The following CHAF1A variants were observed in gnomAD, a reference collection of about 807,000 sequenced individuals.
CHAF1A encodes chromatin assembly factor 1 subunit A.
CHAF1A carries 5 observed loss-of-function variants against 93.2 expected under a neutral mutation model. The observed-to-expected ratio is 0.05, with a 90% CI of 0.03 to 0.11. The LOEUF is 0.11. Ranked by LOEUF, CHAF1A falls within the 10% of genes least tolerant of loss-of-function variation. The probability of loss-of-function intolerance (pLI) is 1.00; values close to 1 mark genes in which losing one functional copy is unlikely to be tolerated. For synonymous variants in CHAF1A, 504 were observed against 510.3 expected, an observed-to-expected ratio of 0.99 and a Z score of 0.17; for missense variants, 1,102 against 1,259.9, an observed-to-expected ratio of 0.87 and a Z score of 1.90.
chr19:4,417,425 C>T (rs1037526922), intron 3 of CHAF1A, among the ~76,000 whole-genome samples: 2 of 150,726 alleles, frequency 1.3e-5, no homozygotes, highest in African/African-American at 2.4e-5. Flanking sequence ...GCTACAAATC[C>T]ATCCTCTCCC....
intron 13 of CHAF1A, among the ~76,000 whole-genome samples, chr19:4,441,109 A>C (rs1007951983): frequency 6.6e-6 from 1 of 151,102 alleles, no homozygotes; most frequent in African/African-American, 2.4e-5. Flanking sequence ...CTTCAGGTCA[A>C]GAGTTCGAGA....
At chr19:4,430,787 G>C in intron 11 of CHAF1A, 146 bp downstream of exon 11, 2 of 756,842 alleles carry the variant, frequency 2.6e-6, no homozygotes, top group East Asian at 5.6e-5. Context: ...GCTCACTCGT[G>C]GGAACAGCTG....
chr19:4,417,926 G>T, intron 3 of CHAF1A, 94 bp from the exon 4 acceptor site: 2 of 822,036 alleles, frequency 2.4e-6, no homozygotes, highest in South Asian at 1.6e-5. Context: ...TTTTGGTTCT[G>T]TTGGTGGAAA....
intron 2 of CHAF1A, among the ~76,000 whole-genome samples, chr19:4,408,088 C>G (rs1422028195): frequency 6.6e-6 from 1 of 151,668 alleles, no homozygotes; most frequent in Admixed American, 6.6e-5. Flanking sequence ...CTCACTGCAG[C>G]CTCTACCTCC....
intron 11 of CHAF1A, among the ~76,000 whole-genome samples, chr19:4,431,661 T>C (rs1377780376): frequency 6.6e-6 from 1 of 152,014 alleles, no homozygotes; most frequent in Non-Finnish European, 1.5e-5. Flanking sequence ...GTTAAACGGC[T>C]CCACGATCAC....
chr19:4,409,671 C>G lies in CHAF1A; in HGVS notation c.872C>G (p.Ser291Cys), dbSNP rs1441963325. Residue 291 changes from serine (S) to cysteine (C), a missense_variant, in exon 3 of 15, where the codon TCT (serine) becomes TGT (cysteine). This residue lies in a region of CHAF1A where 379 missense variants were observed against 365.7 expected (regional missense o/e 1.04). Coordinates refer to ENST00000301280, the MANE Select transcript of CHAF1A (RefSeq NM_005483.3). ...AGCCATTCGTCCCTGAGCTCTCCCT[C>G]TTCCACCAGCTCGCCCGAGGGGCCG... The part of the protein sequence containing the change: ...VLSHSSLSSP[S>C]STSSPEGPPA... The G allele has an allele frequency of 6.2e-7, 1 of 1,614,208 alleles. No homozygotes were observed. Among genetic ancestry groups the G allele is most frequent in the South Asian group, 1.1e-5 (1 of 91,086 alleles).
intron 7 of CHAF1A, among the ~76,000 whole-genome samples, chr19:4,425,030 C>T (rs1974056664): frequency 6.6e-6 from 1 of 152,046 alleles, no homozygotes. Flanking sequence ...AAACCTCGGC[C>T]TCTCAAAGCA....
chr19:4,426,374 TG>T (rs541265673), intron 7 of CHAF1A, among the ~76,000 whole-genome samples: 5 of 152,000 alleles, frequency 3.3e-5, no homozygotes, highest in Non-Finnish European at 7.4e-5. Context: ...TGCACCGTGT[TG>T]GCCAGGATGG....
Position 4,433,099 on chromosome 19 carries a change from G to T in CHAF1A, c.2233G>T (p.Gly745Cys). 6.3e-7 allele frequency: 1 copy of T among 1,596,592 alleles called. No individual in the cohort carries two copies. Among genetic ancestry groups the T allele is most frequent in the East Asian group, 2.3e-5 (1 of 44,286 alleles). ...GGCCCAGCTGCTGCCGCTCCTGCAC[G>T]GCAATGTGAACGGGAGCAAGGTCAT... The part of the protein sequence containing the change: ...ILAQLLPLLH[G>C]NVNGSKVIIR... Residue 745 changes from glycine (G) to cysteine (C), a missense_variant, in exon 13 of 15, where the codon GGC (glycine) becomes TGC (cysteine). This residue lies in a region of CHAF1A where 335 missense variants were observed against 361.9 expected (regional missense o/e 0.93). Transcript: ENST00000301280. This position sits in a 1 kb window ranked among gnomAD's most constrained non-coding sequence, Gnocchi z 5.6.
intron 13 of CHAF1A, among the ~76,000 whole-genome samples, chr19:4,435,252 G>A (rs1039397883): frequency 2.6e-5 from 4 of 151,000 alleles, no homozygotes; most frequent in Admixed American, 6.6e-5. Flanking sequence ...CACCACGCCC[G>A]GCTAATTTTT....
At chr19:4,410,776 A>G (rs1379491573) in intron 3 of CHAF1A, among the ~76,000 whole-genome samples, 1 of 152,180 alleles carries the variant, frequency 6.6e-6, no homozygotes, top group African/African-American at 2.4e-5. Context: ...ACTTGAGCTG[A>G]GGAGTTGGAG....
In CHAF1A at chr19:4,430,656, G is replaced by C. The variant is rs1304104797; in HGVS notation, c.1947+15G>C. 3 of 1,613,276 alleles carry C rather than the reference G, an allele frequency of 1.9e-6. No individual in the cohort carries two copies. The highest frequency in any genetic ancestry group is 2.5e-6 in the Non-Finnish European group (3 of 1,179,762). On this transcript the variant is annotated intron_variant, in intron 11 of 14. Transcript: ENST00000301280. ...GTGTGACAGAGGTGAGGGAGTGAAGGGGGAGGTCACCGGCTCAGCAAAAGT... is the reference window on the plus strand; with the variant it reads ...GTGTGACAGAGGTGAGGGAGTGAAGCGGGAGGTCACCGGCTCAGCAAAAGT...
At chr19:4,404,210 G>A (rs992650749) in intron 1 of CHAF1A, among the ~76,000 whole-genome samples, 8 of 152,190 alleles carry the variant, frequency 5.3e-5, no homozygotes, top group Non-Finnish European at 1.0e-4. Context: ...AATAAAATTA[G>A]AAAGGATGTA....
chr19:4,402,659 C>G lies in CHAF1A; in HGVS notation c.-104C>G, dbSNP rs768732589. 41 of 492,036 alleles carry G rather than the reference C, an allele frequency of 8.3e-5. No homozygotes were observed. The highest frequency in any genetic ancestry group is 1.1e-4 in the Non-Finnish European group (39 of 344,524). 30.5% of individuals were successfully genotyped at this position (492,036 alleles called of 1,614,324 possible). On this transcript the variant is annotated 5_prime_UTR_variant, in exon 1 of 15. Coordinates refer to ENST00000301280, the MANE Select transcript of CHAF1A (RefSeq NM_005483.3). ...TCCCGCCAAATACGAGCGCGGCGGC[C>G]GCGGCGGCAGCAGCGGCGCGGGCGG...
In CHAF1A at chr19:4,432,779, A is replaced by G. The variant is rs546884573; in HGVS notation, c.2204-291A>G. Among the ~76,000 whole-genome samples the G allele has an allele frequency of 3.7e-4, 56 of 151,728 alleles. 1 individual carries two copies. Among genetic ancestry groups the G allele is most frequent in the Non-Finnish European group, 7.7e-4 (52 of 67,892 alleles). On this transcript the variant is annotated intron_variant, in intron 12 of 14. Coordinates refer to ENST00000301280, the MANE Select transcript of CHAF1A (RefSeq NM_005483.3). ...TGTCTAAAAAAAAAAAAAAACTCAAAAAACTGGGGAGGGACCATGGCACAC... is the reference window on the plus strand; with the variant it reads ...TGTCTAAAAAAAAAAAAAAACTCAAGAAACTGGGGAGGGACCATGGCACAC...
chr19:4,447,921 G>A (rs1173606119), downstream of CHAF1A: 6 of 505,694 alleles, frequency 1.2e-5, no homozygotes, highest in African/African-American at 5.8e-5. Context: ...CGGAAGAGTG[G>A]AGAGCCAGAG....
In CHAF1A at chr19:4,402,646, C is replaced by A; in HGVS notation, c.-117C>A. 1 of 619,704 alleles carries A rather than the reference C, an allele frequency of 1.6e-6. No individual in the cohort carries two copies. The highest frequency in any genetic ancestry group is 2.2e-6 in the Non-Finnish European group (1 of 450,736). The allele number at this position is 619,704 out of a possible 1,614,324, so 38.4% of individuals were successfully genotyped here. A position where few individuals can be genotyped will look rare whatever the true frequency, so the allele number is the denominator to read the frequency against. On this transcript the variant is annotated 5_prime_UTR_variant, in exon 1 of 15. Coordinates refer to ENST00000301280, the MANE Select transcript of CHAF1A (RefSeq NM_005483.3). ...GGGTCGCCGCGGTTCCCGCCAAATA[C>A]GAGCGCGGCGGCCGCGGCGGCAGCA...
At chr19:4,434,294 T>C (rs532582174) in intron 13 of CHAF1A, among the ~76,000 whole-genome samples, 3 of 152,266 alleles carry the variant, frequency 2.0e-5, no homozygotes, top group African/African-American at 7.2e-5. Flanking sequence ...TGCAGTGAGC[T>C]ATGATCATGC....
At chr19:4,423,215 A>C in intron 5 of CHAF1A, 120 bp from the exon 6 acceptor site, 2 of 1,430,732 alleles carry the variant, frequency 1.4e-6, no homozygotes, top group Non-Finnish European at 1.9e-6. Flanking sequence ...TAGACATGAA[A>C]ATAACTTATA....
Sources: gnomAD v4.1 joint callset for allele counts (sites outside exome capture counted in the v4.1 genomes callset) on GRCh38, gnomAD v4.1.1 for gene constraint, gnomAD v4.1.1 regional missense constraint, Gnocchi (gnomAD v3.1) non-coding constraint, MANE v1.5 for transcripts, NCBI Gene and HGNC (gene_info 2026-07-23, HGNC 2026-07-21) for gene names.